MED12L: variants seen among roughly 807,000 people sequenced by gnomAD.
MED12L encodes mediator of RNA polymerase II transcription subunit 12-like protein.
In MED12L, 60 loss-of-function variants were observed where a neutral mutation model predicts 281.3. The observed-to-expected ratio is 0.21, with a 90% CI of 0.17 to 0.26. The LOEUF is 0.26. Among genes scored for constraint, MED12L ranks in the 10% least tolerant of loss-of-function variants. The probability of loss-of-function intolerance (pLI) is 1.00; values close to 1 mark genes in which losing one functional copy is unlikely to be tolerated. For synonymous variants in MED12L, 974 were observed against 987.2 expected (o/e 0.99, Z 0.25); for missense variants, 2,146 against 2,680.9 (o/e 0.80, Z 4.41).
At chr3:151,117,598 G>A (rs1038176772) in intron 3 of MED12L, among the ~76,000 whole-genome samples, 33 of 151,572 alleles carry the variant, frequency 2.2e-4, no homozygotes, top group African/African-American at 5.1e-4. Context: ...CATTTATTCC[G>A]CCTTACAACA....
chr3:151,334,723 C>G (rs1750765990), intron 16 of MED12L, among the ~76,000 whole-genome samples: 1 of 152,158 alleles, frequency 6.6e-6, no homozygotes, highest in South Asian at 2.1e-4. Context: ...TGGTCTCAAA[C>G]TCCTGGCCTC....
At chr3:151,352,851 A>C (rs1372179425) in intron 17 of MED12L, among the ~76,000 whole-genome samples, 2 of 152,204 alleles carry the variant, frequency 1.3e-5, no homozygotes, top group Non-Finnish European at 2.9e-5. Context: ...TCAGGACTTA[A>C]AGATTTTTAA....
chr3:151,211,747 A>T (rs1727203006), intron 16 of MED12L, among the ~76,000 whole-genome samples: 1 of 152,196 alleles, frequency 6.6e-6, no homozygotes, highest in South Asian at 2.1e-4. Context: ...TCTTGGGCCC[A>T]GGTGATCATC....
At chr3:151,430,475 A>G in intron 44 of MED12L, 95 bp downstream of exon 44, 7 of 1,570,956 alleles carry the variant, frequency 4.5e-6, no homozygotes, top group East Asian at 2.3e-5. Context: ...AGATGGTACC[A>G]TCTTCCTCAG....
chr3:151,126,665 G>A lies in MED12L; in HGVS notation c.397-1160G>A, dbSNP rs187370837. 3.8e-3 allele frequency among the ~76,000 whole-genome samples: 584 copies of A among 152,334 alleles called. 3 individuals carry two copies. The highest frequency in any genetic ancestry group is 5.7e-3 in the Non-Finnish European group (387 of 68,030). On this transcript the variant is annotated intron_variant, in intron 4 of 44. Transcript: ENST00000687756. ...ATCAAGTAAGAGTTTGGGACAGAGAGACCAGGGCTCTTGGTATTTATAGTA... is the reference window on the plus strand; with the variant it reads ...ATCAAGTAAGAGTTTGGGACAGAGAAACCAGGGCTCTTGGTATTTATAGTA...
rs150920727 is a variant in MED12L, at chr3:151,273,845, A to G, written c.2251-76214A>G. Among the ~76,000 whole-genome samples the G allele has an allele frequency of 5.4e-4, 82 of 152,296 alleles. 1 individual carries two copies. The Middle Eastern group carries it at 0.01, about 19-fold the overall frequency. On this transcript the variant is annotated intron_variant, in intron 16 of 44. Coordinates refer to ENST00000687756, the MANE Select transcript of MED12L (RefSeq NM_001393769.1). ...ATTTAAATAAAACTTGGTGATGCAG[A>G]CTGTTGTTTTCAAATCATATTTAAG...
chr3:151,222,757 G>A (rs1177765116), intron 16 of MED12L, among the ~76,000 whole-genome samples: 4 of 152,188 alleles, frequency 2.6e-5, no homozygotes, highest in Non-Finnish European at 4.4e-5. Flanking sequence ...ACCACTCTTT[G>A]AGTTAGCATC....
intron 18 of MED12L, among the ~76,000 whole-genome samples, chr3:151,355,575 A>C (rs1753808581): frequency 6.6e-6 from 1 of 152,234 alleles, no homozygotes; most frequent in Non-Finnish European, 1.5e-5. Context: ...GACATTGAGA[A>C]GAAAACACAT....
At chr3:151,117,675 T>C (rs967932475) in intron 3 of MED12L, among the ~76,000 whole-genome samples, 2 of 151,668 alleles carry the variant, frequency 1.3e-5, no homozygotes, top group Non-Finnish European at 2.9e-5. Flanking sequence ...TGAATAAATG[T>C]AGAATTTTTC....
chr3:151,365,295 G>A, intron 22 of MED12L, 89 bp downstream of exon 22: 1 of 1,078,432 alleles, frequency 9.3e-7, no homozygotes, highest in East Asian at 2.4e-5. Flanking sequence ...TAAGTGTCTG[G>A]ACTCACATTT....
chr3:151,199,274 G>A lies in MED12L; in HGVS notation c.2250+5608G>A, dbSNP rs138457154. On this transcript the variant is annotated intron_variant, in intron 16 of 44. Transcript: ENST00000687756. ...GTGATTCGTATTCTTCTGTATAAAA[G>A]CCCAGGTTGCAAAACAACTTCCAAT... 56 of 1,613,806 alleles carry A rather than the reference G, an allele frequency of 3.5e-5. No homozygotes were observed. The highest frequency in any genetic ancestry group is 4.6e-5 in the Non-Finnish European group (54 of 1,179,932).
At chr3:151,151,368 C>T (rs1308953020) in intron 5 of MED12L, among the ~76,000 whole-genome samples, 2 of 151,960 alleles carry the variant, frequency 1.3e-5, no homozygotes, top group Non-Finnish European at 2.9e-5. Flanking sequence ...CTTTGAGATC[C>T]TTTCCTTTGC....
At chr3:151,130,165 C>T (rs1715167177) in intron 5 of MED12L, among the ~76,000 whole-genome samples, 1 of 152,154 alleles carries the variant, frequency 6.6e-6, no homozygotes, top group African/African-American at 2.4e-5. Flanking sequence ...TCTGAATCGG[C>T]ATCTGAACCA....
chr3:151,335,650 A>AT lies in MED12L; in HGVS notation c.2251-14408dup, dbSNP rs35326421. On this transcript the variant is annotated intron_variant, in intron 16 of 44. Coordinates refer to ENST00000687756, the MANE Select transcript of MED12L (RefSeq NM_001393769.1). ...TCACTGTGAAATGTGGGGTTAATAT[A>AT]TATTAATATGCCAAAAGCTAGAGAT... Among the ~76,000 whole-genome samples, 405 of 152,272 alleles carry AT rather than the reference A, an allele frequency of 2.7e-3. 6 individuals are homozygous for AT. Among genetic ancestry groups the AT allele is most frequent in the African/African-American group, 9.2e-3 (383 of 41,564 alleles).
At chr3:151,354,360 C>T (rs536321158) in intron 17 of MED12L, among the ~76,000 whole-genome samples, 1 of 152,066 alleles carries the variant, frequency 6.6e-6, no homozygotes, top group Non-Finnish European at 1.5e-5. Flanking sequence ...TTGGAATTTT[C>T]TTCAAACCTC....
chr3:151,116,537 C>T, intron 3 of MED12L, 95 bp downstream of exon 3: 1 of 779,216 alleles, frequency 1.3e-6, no homozygotes, highest in East Asian at 2.7e-5. Context: ...TTGTTTAAGC[C>T]ACAGTCCATA....
intron 2 of MED12L, among the ~76,000 whole-genome samples, chr3:151,087,247 C>T (rs574475375): frequency 1.4e-4 from 22 of 152,348 alleles, no homozygotes; most frequent in African/African-American, 5.3e-4. Context: ...TTCCATGTGC[C>T]GGTCGCTTTC....
intron 5 of MED12L, among the ~76,000 whole-genome samples, chr3:151,141,178 G>GTT (rs370095367): frequency 1.1e-4 from 11 of 102,232 alleles, no homozygotes; most frequent in African/African-American, 3.4e-4. Flanking sequence ...TTTTTTTTTT[G>GTT]TTTTTTTTGT....
At chr3:151,398,687 T>C (rs1715284832) in intron 39 of MED12L, among the ~76,000 whole-genome samples, 1 of 152,226 alleles carries the variant, frequency 6.6e-6, no homozygotes, top group South Asian at 2.1e-4. Flanking sequence ...GTTTTCATTC[T>C]TCTTGGTTGC....
Sources: gnomAD v4.1 joint callset for allele counts (sites outside exome capture counted in the v4.1 genomes callset) on GRCh38, gnomAD v4.1.1 for gene constraint, MANE v1.5 for transcripts, NCBI Gene and HGNC (gene_info 2026-07-23, HGNC 2026-07-21) for gene names.